The following MEG3 variants were observed in gnomAD, a reference collection of about 807,000 sequenced individuals.
The protein encoded by MEG3 is maternally expressed 3, also known as Very putative protein from MEG3 locus.
At chr14:100,860,402 G>A (rs894078195) in intron 1 of MEG3, 8 of 334,886 alleles carry the variant, frequency 2.4e-5, no homozygotes, top group Non-Finnish European at 4.7e-5. Flanking sequence ...AGAAACCAGA[G>A]GTTGCCAGTT....
At chr14:100,850,711 A>T (rs2038047986) in intron 3 of MEG3, 1 of 152,186 alleles carries the variant, frequency 6.6e-6, no homozygotes, top group African/African-American at 2.4e-5. Context: ...GAAATGAATA[A>T]AGAATAAAAT....
intron 3 of MEG3, chr14:100,846,336 C>A (rs1205971303): frequency 6.6e-6 from 1 of 152,234 alleles, no homozygotes; most frequent in Non-Finnish European, 1.5e-5. Flanking sequence ...GCCCAGGGGG[C>A]CTGGGGAACG....
downstream of MEG3, chr14:100,830,693 T>A (rs780368841): frequency 6.6e-6 from 1 of 152,190 alleles, no homozygotes; most frequent in Admixed American, 6.5e-5. Context: ...ATGAAAACAG[T>A]CTCTTGGAAC....
intron 2 of MEG3, among the ~76,000 whole-genome samples, chr14:100,843,226 A>G (rs868245902): frequency 6.6e-6 from 1 of 152,202 alleles, no homozygotes; most frequent in Non-Finnish European, 1.5e-5. Context: ...CTCCGCTCCT[A>G]TTAAAAACAC....
intron 1 of MEG3, chr14:100,826,117 C>G (rs1219467651): frequency 1.3e-5 from 2 of 152,252 alleles, no homozygotes; most frequent in African/African-American, 4.8e-5. Flanking sequence ...CAGCCCCTAG[C>G]GCAGACGGCG....
intron 1 of MEG3, among the ~76,000 whole-genome samples, chr14:100,828,217 C>T (rs2037301579): frequency 6.6e-6 from 1 of 152,070 alleles, no homozygotes; most frequent in Non-Finnish European, 1.5e-5. Context: ...TCCTGGGTTA[C>T]GGGTGCGGGC....
intron 1 of MEG3, chr14:100,835,979 G>A (rs1566723877): frequency 3.0e-6 from 1 of 337,326 alleles, no homozygotes; most frequent in Non-Finnish European, 5.7e-6. Flanking sequence ...TCTGGATTTG[G>A]GGCTGCCCCT....
At chr14:100,848,594 GAA>G in intron 3 of MEG3, 1 of 111,918 alleles carries the variant, frequency 8.9e-6, no homozygotes, top group Admixed American at 1.1e-4. Context: ...AATAGGATGG[GAA>G]AAAATGAAAA....
rs1359716782 is a variant in MEG3, at chr14:100,835,013, C to T, written n.2045C>T. Reference sequence around the variant, plus strand: ...CTGGGCACCGGCCACCGTAGCCCATCCCTTGATGGCCTCTGTGTCCCCAGG... The same window carrying T: ...CTGGGCACCGGCCACCGTAGCCCATTCCTTGATGGCCTCTGTGTCCCCAGG... On this transcript the variant is annotated non_coding_transcript_exon_variant, in exon 1 of 4. Coordinates refer to the MEG3 transcript ENST00000398461. 8 of 356,664 alleles carry T rather than the reference C, an allele frequency of 2.2e-5. No individual in the cohort carries two copies. The East Asian group carries it at 4.5e-4, about 20-fold the overall frequency. 22.1% of individuals were successfully genotyped at this position (356,664 alleles called of 1,614,324 possible). A position where few individuals can be genotyped will look rare whatever the true frequency, so the allele number is the denominator to read the frequency against.
downstream of MEG3, chr14:100,832,972 T>TGAGGA (rs2037441390): frequency 6.6e-6 from 1 of 152,224 alleles, no homozygotes; most frequent in South Asian, 2.1e-4. Flanking sequence ...CAGGACCCAT[T>TGAGGA]GAGGACATCC....
At chr14:100,854,680 C>G (rs1385783556), upstream of MEG3, 1 of 152,540 alleles carries the variant, frequency 6.6e-6, no homozygotes, top group Non-Finnish European at 1.5e-5. Flanking sequence ...CATCCTAGCA[C>G]CCTGTACAAT....
intron 3 of MEG3, chr14:100,846,724 T>G (rs1269619759): frequency 6.6e-6 from 1 of 152,174 alleles, no homozygotes; most frequent in Non-Finnish European, 1.5e-5. Flanking sequence ...TCCGCTTTGA[T>G]GGCTAGGCAA....
chr14:100,858,065 G>A (rs1248652567), exon 1 of MEG3: 2 of 152,226 alleles, frequency 1.3e-5, no homozygotes, highest in African/African-American at 4.8e-5. Context: ...TGAGCTTGCT[G>A]AGAATCAGGA....
chr14:100,847,345 G>T (rs2037947744), intron 3 of MEG3: 1 of 152,246 alleles, frequency 6.6e-6, no homozygotes, highest in South Asian at 2.1e-4. Context: ...TGAGCAGTGG[G>T]AGTGCAGCGC....
intron 2 of MEG3, among the ~76,000 whole-genome samples, chr14:100,836,652 G>A (rs1205278813): frequency 1.3e-5 from 2 of 151,946 alleles, no homozygotes; most frequent in African/African-American, 2.4e-5. Flanking sequence ...AGGGATCCAG[G>A]GGGCACTTGC....
At chr14:100,828,281 G>T (rs1406491433) in intron 1 of MEG3, among the ~76,000 whole-genome samples, 1 of 151,980 alleles carries the variant, frequency 6.6e-6, no homozygotes, top group Non-Finnish European at 1.5e-5. Context: ...TTTGAGTTGC[G>T]CACACGCACA....
At chr14:100,836,095 C>G (rs920548621) in intron 1 of MEG3, 25 of 402,048 alleles carry the variant, frequency 6.2e-5, no homozygotes, top group Admixed American at 4.9e-4. Flanking sequence ...TGCCCCGAGT[C>G]TTTCTTCGGT....
chr14:100,830,140 TAA>T (rs1378108248), downstream of MEG3: 1 of 152,104 alleles, frequency 6.6e-6, no homozygotes, highest in African/African-American at 2.4e-5. Flanking sequence ...AGAGTTATAC[TAA>T]GAGTCCTTTT....
Position 100,845,211 on chromosome 14 carries a change from A to G in MEG3, n.3046-247A>G, listed in dbSNP as rs1003088589. 2.6e-5 allele frequency among the ~76,000 whole-genome samples: 4 copies of G among 152,192 alleles called. No homozygotes were observed. The highest frequency in any genetic ancestry group is 9.7e-5 in the African/African-American group (4 of 41,446). ...CACAGAGCACGACTTCGCTCCGTGA[A>G]CAGCACCAACCCAAGTCTGTTCCAT... On this transcript the variant is annotated intron_variant and non_coding_transcript_variant, in intron 2 of 3. Transcript: ENST00000398461. The surrounding 1 kb of genome is among the most constrained non-coding windows in gnomAD (Gnocchi z 5.2).
Sources: allele counts gnomAD v4.1 joint callset (sites outside exome capture counted in the v4.1 genomes callset), GRCh38; gene constraint gnomAD v4.1.1; non-coding constraint Gnocchi (gnomAD v3.1); transcripts MANE v1.5; gene names NCBI Gene and HGNC (gene_info 2026-07-23, HGNC 2026-07-21).